CNTN3: variants seen among roughly 807,000 people sequenced by gnomAD.
CNTN3 encodes the protein contactin 3.
Under a neutral mutation model 119.1 loss-of-function variants are expected in CNTN3, and 60 were observed. The observed-to-expected ratio is 0.50, with a 90% confidence interval of 0.41 to 0.62. The LOEUF is 0.62. Among genes scored for constraint, CNTN3 ranks in the 20% least tolerant of loss-of-function variants. CNTN3 has a pLI of 0.00. For missense variants in CNTN3, 1,101 were observed against 1,242.4 expected (o/e 0.89, Z 1.71); for synonymous variants, 450 against 438.7 (o/e 1.03, Z -0.32).
intron 1 of CNTN3, among the ~76,000 whole-genome samples, chr3:74,555,979 C>T (rs1575827185): frequency 6.6e-6 from 1 of 152,130 alleles, no homozygotes; most frequent in Non-Finnish European, 1.5e-5. Flanking sequence ...GGGTCTTTTG[C>T]CCATTTTGTA....
At chr3:74,436,505 C>G (rs1701868667) in intron 4 of CNTN3, among the ~76,000 whole-genome samples, 1 of 152,106 alleles carries the variant, frequency 6.6e-6, no homozygotes, top group South Asian at 2.1e-4. Context: ...AGCCCTTCTG[C>G]TTTCATCATT....
intron 8 of CNTN3, among the ~76,000 whole-genome samples, chr3:74,367,010 C>T (rs568112953): frequency 1.4e-4 from 20 of 148,048 alleles, no homozygotes; most frequent in Non-Finnish European, 2.4e-4. Flanking sequence ...TCTTCTTCTC[C>T]AAATGGGAGG....
chr3:74,290,588 T>A (rs1702208164), intron 19 of CNTN3, among the ~76,000 whole-genome samples: 1 of 152,254 alleles, frequency 6.6e-6, no homozygotes, highest in African/African-American at 2.4e-5. Context: ...TACGACTAGG[T>A]CAAGAATTAT....
intron 13 of CNTN3, among the ~76,000 whole-genome samples, chr3:74,310,002 T>C (rs976062783): frequency 1.3e-5 from 2 of 152,200 alleles, no homozygotes; most frequent in Admixed American, 6.5e-5. Context: ...ATAAATTTAC[T>C]GCTAATCAAC....
rs374022651 is a variant in CNTN3 at position 74,525,328 on chromosome 3, T to C, written c.-80-4136A>G. Among the ~76,000 whole-genome samples the C allele has an allele frequency of 2.6e-5, 4 of 152,032 alleles. No homozygotes were observed. In the East Asian group the frequency reaches 5.8e-4, roughly 22 times the overall value. On this transcript the variant is annotated intron_variant, in intron 1 of 22. Coordinates refer to ENST00000263665, the MANE Select transcript of CNTN3 (RefSeq NM_020872.3). ...GGTTTGAAGATAAAAAGAGATGTCA[T>C]TCAGGAAGTTTTTTTTAAATTATGT...
At chr3:74,268,997 G>A (rs17012298) in intron 20 of CNTN3, among the ~76,000 whole-genome samples, 1 of 149,872 alleles carries the variant, frequency 6.7e-6, no homozygotes, top group African/African-American at 2.5e-5. Flanking sequence ...CACAACATAC[G>A]TGGGCTGAAT....
intron 5 of CNTN3, 83 bp from the exon 6 acceptor site, chr3:74,371,482 T>A (rs1704338030): frequency 1.0e-6 from 1 of 984,352 alleles, no homozygotes; most frequent in African/African-American, 1.6e-5. Flanking sequence ...TATACAAACA[T>A]CAACTTTACT....
chr3:74,316,285 G>C (rs1032404872), intron 13 of CNTN3, among the ~76,000 whole-genome samples: 1 of 152,068 alleles, frequency 6.6e-6, no homozygotes, highest in East Asian at 1.9e-4. Context: ...ACCACAATGA[G>C]ATACCATCTC....
chr3:74,579,986 C>T (rs1302585969), intron 1 of CNTN3, among the ~76,000 whole-genome samples: 2 of 151,948 alleles, frequency 1.3e-5, no homozygotes, highest in Non-Finnish European at 1.5e-5. Flanking sequence ...TAAGTCATTA[C>T]CAATACTGCT....
intron 3 of CNTN3, among the ~76,000 whole-genome samples, chr3:74,492,419 A>C (rs545265432): frequency 7.2e-5 from 11 of 152,172 alleles, no homozygotes; most frequent in Non-Finnish European, 1.6e-4. Flanking sequence ...TACACACAAC[A>C]GGGACACTGG....
At chr3:74,473,837 A>G (rs548531587) in intron 4 of CNTN3, among the ~76,000 whole-genome samples, 7 of 152,188 alleles carry the variant, frequency 4.6e-5, no homozygotes, top group Admixed American at 2.6e-4. Context: ...ACCTAAAAGT[A>G]AGGCAAGATA....
intron 4 of CNTN3, among the ~76,000 whole-genome samples, chr3:74,460,625 C>T (rs1478508232): frequency 2.0e-5 from 3 of 151,352 alleles, no homozygotes; most frequent in Admixed American, 1.3e-4. Context: ...TTTTTGTGTG[C>T]TGATCTTGTA....
intron 4 of CNTN3, among the ~76,000 whole-genome samples, chr3:74,428,127 G>T (rs1263210571): frequency 1.3e-5 from 2 of 152,088 alleles, no homozygotes; most frequent in Non-Finnish European, 2.9e-5. Flanking sequence ...CTACTATGCT[G>T]CCAGTCATAT....
chr3:74,489,794 T>C (rs753140308), intron 3 of CNTN3, among the ~76,000 whole-genome samples: 6 of 152,146 alleles, frequency 3.9e-5, no homozygotes, highest in Non-Finnish European at 8.8e-5. Flanking sequence ...CCTAAGCTTT[T>C]AACATATAAA....
intron 1 of CNTN3, among the ~76,000 whole-genome samples, chr3:74,526,280 T>C (rs1703618132): frequency 6.6e-6 from 1 of 151,828 alleles, no homozygotes; most frequent in Non-Finnish European, 1.5e-5. Flanking sequence ...TATTAGTGGA[T>C]AAAAGTTTGA....
chr3:74,391,524 G>GTTAC (rs2106829367), intron 5 of CNTN3, among the ~76,000 whole-genome samples: 1 of 135,976 alleles, frequency 7.4e-6, no homozygotes, highest in African/African-American at 2.8e-5. Flanking sequence ...CTCAATAAAT[G>GTTAC]TTACTTATTA....
intron 20 of CNTN3, among the ~76,000 whole-genome samples, chr3:74,271,117 G>T (rs775314867): frequency 6.6e-6 from 1 of 152,130 alleles, no homozygotes; most frequent in Non-Finnish European, 1.5e-5. Context: ...GCAGATACTT[G>T]CCTGAAAACA....
intron 12 of CNTN3, among the ~76,000 whole-genome samples, chr3:74,335,139 C>T (rs1703359964): frequency 6.6e-6 from 1 of 152,126 alleles, no homozygotes; most frequent in African/African-American, 2.4e-5. Context: ...GATATTTGAA[C>T]TTGTAGGACA....
At chr3:74,440,526 T>C (rs972185970) in intron 4 of CNTN3, among the ~76,000 whole-genome samples, 9 of 151,658 alleles carry the variant, frequency 5.9e-5, no homozygotes, top group African/African-American at 2.2e-4. Flanking sequence ...CTGTGGAATG[T>C]AGAGAAATGC....
Sources: allele counts gnomAD v4.1 joint callset (sites outside exome capture counted in the v4.1 genomes callset), GRCh38; gene constraint gnomAD v4.1.1; transcripts MANE v1.5; gene names NCBI Gene and HGNC (gene_info 2026-07-23, HGNC 2026-07-21).